The following MAX variants were observed in gnomAD, a reference collection of about 807,000 sequenced individuals.
MAX encodes the protein protein max.
A neutral mutation model predicts 22.3 loss-of-function variants in MAX; 3 were observed. That is an observed-to-expected ratio of 0.13 (90% confidence interval 0.06 to 0.35). MAX has a LOEUF of 0.35. Among genes scored for constraint, MAX ranks in the 10% least tolerant of loss-of-function variants. The probability of loss-of-function intolerance (pLI) is 1.00; values close to 1 mark genes in which losing one functional copy is unlikely to be tolerated. For missense variants in MAX, 119 were observed against 209.4 expected, an observed-to-expected ratio of 0.57 and a Z score of 2.66; for synonymous variants, 72 against 77.7, an observed-to-expected ratio of 0.93 and a Z score of 0.39.
intron 3 of MAX, chr14:65,089,977 C>T (rs1470718469): frequency 6.6e-6 from 1 of 152,076 alleles, no homozygotes; most frequent in Non-Finnish European, 1.5e-5. Flanking sequence ...GGTCTACTTG[C>T]TAACTCTGGG....
rs1480889513 is a variant in MAX at position 65,093,274 on chromosome 14, T to A, written c.171+434A>T. 6.6e-6 allele frequency among the ~76,000 whole-genome samples: 1 copy of A among 150,522 alleles called. No homozygotes were observed. The highest frequency in any genetic ancestry group is 1.9e-4 in the East Asian group (1 of 5,140). ...GTGCCCAGGTTGTTTTTCACATACA[T>A]TACACACATTTCTGCAAGTGCTCAT... On this transcript the variant is annotated intron_variant, in intron 3 of 4. Transcript: ENST00000358664. This position sits in a 1 kb window ranked among gnomAD's most constrained non-coding sequence, Gnocchi z 4.4.
At chr14:65,035,222 G>A (rs1415272538) in intron 3 of MAX, among the ~76,000 whole-genome samples, 9 of 152,248 alleles carry the variant, frequency 5.9e-5, no homozygotes, top group East Asian at 3.9e-4. Flanking sequence ...TGCTGCTGCC[G>A]CCCTGGGCTA....
chr14:65,008,623 T>C (rs957429077), intron 3 of MAX, among the ~76,000 whole-genome samples: 2 of 152,114 alleles, frequency 1.3e-5, no homozygotes, highest in African/African-American at 2.4e-5. Flanking sequence ...GGAATAGGGG[T>C]GGCTAACTTA....
intron 3 of MAX, among the ~76,000 whole-genome samples, chr14:65,006,472 T>C (rs2061593131): frequency 6.6e-6 from 1 of 152,230 alleles, no homozygotes; most frequent in African/African-American, 2.4e-5. Context: ...ACGAGCTCTC[T>C]TAAATGTAAT....
chr14:65,009,532 G>A lies in MAX; in HGVS notation c.172-3248C>T, dbSNP rs1414453687. Reference sequence around the variant, plus strand: ...CAGAGACCTATATTTCGCTAGCTTCGTACCCATCATTTCTCGCTCAAAGAA... The same window carrying A: ...CAGAGACCTATATTTCGCTAGCTTCATACCCATCATTTCTCGCTCAAAGAA... On this transcript the variant is annotated intron_variant, in intron 3 of 3. Transcript: ENST00000341653. The surrounding 1 kb of genome is among the most constrained non-coding windows in gnomAD (Gnocchi z 4.2). Among the ~76,000 whole-genome samples the A allele has an allele frequency of 6.6e-6, 1 of 151,866 alleles. No homozygotes were observed. Among genetic ancestry groups the A allele is most frequent in the Non-Finnish European group, 1.5e-5 (1 of 67,994 alleles).
downstream of MAX, among the ~76,000 whole-genome samples, chr14:65,070,731 C>T (rs1282707175): frequency 6.6e-6 from 1 of 152,236 alleles, no homozygotes; most frequent in Admixed American, 6.5e-5. The surrounding 1 kb of genome is among the most constrained non-coding windows in gnomAD (Gnocchi z 4.4). Flanking sequence ...AGATTCTGCT[C>T]AAGGGGTCCC....
rs1185309073 is a variant in MAX, at chr14:65,014,261, G to T, written c.172-7977C>A. Among the ~76,000 whole-genome samples the T allele has an allele frequency of 1.3e-5, 2 of 152,200 alleles. No homozygotes were observed. Among genetic ancestry groups the T allele is most frequent in the African/African-American group, 4.8e-5 (2 of 41,446 alleles). On this transcript the variant is annotated intron_variant, in intron 3 of 3. Transcript: ENST00000341653. The surrounding 1 kb of genome is among the most constrained non-coding windows in gnomAD (Gnocchi z 5.1). ...CTACCTACCCTGCCTAGCCTTGAAT[G>T]CTCAATAATCATTTATGGTTTAATT...
chr14:65,091,915 T>C (rs377489992), intron 3 of MAX: 39 of 152,232 alleles, frequency 2.6e-4, no homozygotes, highest in Non-Finnish European at 4.7e-4. Context: ...GTGCCTGGCA[T>C]GTAGCAGACC....
intron 3 of MAX, among the ~76,000 whole-genome samples, chr14:65,085,841 C>G (rs1595146508): frequency 1.3e-5 from 2 of 152,190 alleles, no homozygotes; most frequent in East Asian, 3.9e-4. Flanking sequence ...TTGAGAAAAG[C>G]AAAGCACTCA....
rs2063162173 is a variant in MAX at position 65,079,981 on chromosome 14, C to T, written c.172-1945G>A. ...GGGAAACAAAATGTATTAGTCATGG[C>T]TTCTTTGCCCCAAAGCTTACTTACT... On this transcript the variant is annotated intron_variant, in intron 3 of 4. Coordinates refer to ENST00000358664, the MANE Select transcript of MAX (RefSeq NM_002382.5). The surrounding 1 kb of genome is among the most constrained non-coding windows in gnomAD (Gnocchi z 4.5). 6.6e-6 allele frequency among the ~76,000 whole-genome samples: 1 copy of T among 152,166 alleles called. No individual in the cohort carries two copies. Among genetic ancestry groups the T allele is most frequent in the East Asian group, 1.9e-4 (1 of 5,202 alleles).
At chr14:65,064,515 C>A (rs990648718) in intron 3 of MAX, among the ~76,000 whole-genome samples, 2 of 152,184 alleles carry the variant, frequency 1.3e-5, no homozygotes, top group East Asian at 3.8e-4. Context: ...TAGCTCCAGA[C>A]CCTACATCCT....
intron 3 of MAX, among the ~76,000 whole-genome samples, chr14:65,026,676 CA>C (rs2061987981): frequency 6.6e-6 from 1 of 152,076 alleles, no homozygotes; most frequent in African/African-American, 2.4e-5. Flanking sequence ...GCCTGGCCAG[CA>C]TGGTGAAACC....
intron 3 of MAX, among the ~76,000 whole-genome samples, chr14:65,045,409 G>T (rs139065041): frequency 1.8e-5 from 1 of 56,236 alleles, no homozygotes; most frequent in Non-Finnish European, 3.7e-5. Context: ...CCCACCCCCC[G>T]TCTTCCCCCC....
Position 65,093,962 on chromosome 14 carries a change from G to A in MAX, c.64-147C>T, listed in dbSNP as rs571497372. 18 of 702,352 alleles carry A rather than the reference G, an allele frequency of 2.6e-5. No individual in the cohort carries two copies. Among genetic ancestry groups the A allele is most frequent in the South Asian group, 2.2e-4 (15 of 67,440 alleles). The allele number at this position is 702,352 out of a possible 1,614,324, so 43.5% of individuals were successfully genotyped here. Reference sequence around the variant, plus strand: ...GATTTCTCGAGGTGGGCAGTTAGGAGTCTCCAGAATTAGGCTCTGCTAAAG... The same window carrying A: ...GATTTCTCGAGGTGGGCAGTTAGGAATCTCCAGAATTAGGCTCTGCTAAAG... On this transcript the variant is annotated intron_variant, in intron 2 of 4. Coordinates refer to ENST00000358664, the MANE Select transcript of MAX (RefSeq NM_002382.5). This position sits in a 1 kb window ranked among gnomAD's most constrained non-coding sequence, Gnocchi z 4.4.
intron 3 of MAX, among the ~76,000 whole-genome samples, chr14:65,057,365 G>A (rs544497829): frequency 6.6e-5 from 10 of 152,246 alleles, no homozygotes; most frequent in African/African-American, 2.4e-4. Context: ...GGTAGTCAAG[G>A]CTGCAGTGAG....
At chr14:65,090,917 T>C (rs2063489200) in intron 3 of MAX, among the ~76,000 whole-genome samples, 1 of 152,340 alleles carries the variant, frequency 6.6e-6, no homozygotes, top group African/African-American at 2.4e-5. Flanking sequence ...TCCCCTATTA[T>C]TGGTTAGGAT....
At chr14:65,037,410 T>C (rs2062222782) in intron 3 of MAX, among the ~76,000 whole-genome samples, 19 of 69,634 alleles carry the variant, frequency 2.7e-4, no homozygotes, top group Admixed American at 8.5e-4. Flanking sequence ...GCCCTTTTTT[T>C]TTTTTTTTTT....
At chr14:65,074,328 T>C (rs186326457), downstream of MAX, among the ~76,000 whole-genome samples, 177 of 152,356 alleles carry the variant, frequency 1.2e-3, 1 homozygote, top group African/African-American at 4.1e-3. Flanking sequence ...TCCCAGCATT[T>C]TTCTTTTCCT....
At chr14:65,067,107 C>A (rs1017356933) in intron 3 of MAX, among the ~76,000 whole-genome samples, 4 of 150,816 alleles carry the variant, frequency 2.7e-5, no homozygotes, top group African/African-American at 9.8e-5. Flanking sequence ...GTCACTTGAG[C>A]CTGAGAAGTA....
Sources: allele counts gnomAD v4.1 joint callset (sites outside exome capture counted in the v4.1 genomes callset), GRCh38; gene constraint gnomAD v4.1.1; non-coding constraint Gnocchi (gnomAD v3.1); transcripts MANE v1.5; gene names NCBI Gene and HGNC (gene_info 2026-07-23, HGNC 2026-07-21).